GULP1: variants seen among roughly 807,000 people sequenced by gnomAD.
GULP1 encodes the protein GULP PTB domain containing engulfment adaptor 1, also known as PTB domain-containing engulfment adapter protein 1.
Under a neutral mutation model 40.9 loss-of-function variants are expected in GULP1, and 19 were observed. That is an observed-to-expected ratio of 0.46 (90% confidence interval 0.32 to 0.68). The LOEUF (loss-of-function observed/expected upper bound fraction) is 0.68. Among genes scored for constraint, GULP1 ranks in the 30% least tolerant of loss-of-function variants. The probability of loss-of-function intolerance (pLI) is 0.03; values close to 1 mark genes in which losing one functional copy is unlikely to be tolerated. For synonymous variants in GULP1, 119 were observed against 117.6 expected, an observed-to-expected ratio of 1.01 and a Z score of -0.08; for missense variants, 312 against 362.2, an observed-to-expected ratio of 0.86 and a Z score of 1.12.
intron 4 of GULP1, chr2:188,491,732 C>T (rs915818698): frequency 6.6e-6 from 1 of 152,050 alleles, no homozygotes; most frequent in Admixed American, 6.6e-5. Context: ...TCATGACATT[C>T]TTTCATTTTA....
At chr2:188,293,678 G>A (rs2034298293) in intron 1 of GULP1, 1 of 152,262 alleles carries the variant, frequency 6.6e-6, no homozygotes, top group African/African-American at 2.4e-5. Context: ...GGTGACTACA[G>A]GCTTTGCTGG....
chr2:188,424,104 T>C (rs958284789), intron 2 of GULP1, among the ~76,000 whole-genome samples: 5 of 151,866 alleles, frequency 3.3e-5, no homozygotes, highest in Non-Finnish European at 5.9e-5. Context: ...TTCAGTGAAA[T>C]TAGAATGTCA....
At position 188,351,436 on chromosome 2, in the gene GULP1, A is replaced by G. The variant is rs753973503; in HGVS notation, c.-171-32327A>G. Among the ~76,000 whole-genome samples the G allele has an allele frequency of 3.9e-5, 6 of 152,216 alleles. No individual in the cohort carries two copies. In the Middle Eastern group the frequency reaches 0.01, roughly 261 times the overall value. The stretch of plus-strand genomic sequence containing the variant: ...ACCATGCTGCATTTCAGGAGTAACT[A>G]TGAGGGGTAGTAGGCTTTAATACGT... On this transcript the variant is annotated intron_variant, in intron 1 of 11. Coordinates refer to ENST00000409830, the MANE Select transcript of GULP1 (RefSeq NM_016315.4).
chr2:188,488,266 G>C (rs2062033655), intron 4 of GULP1, among the ~76,000 whole-genome samples: 1 of 151,970 alleles, frequency 6.6e-6, no homozygotes, highest in South Asian at 2.1e-4. Context: ...ACAGTAATTA[G>C]AGCAGCCATT....
chr2:188,449,515 A>G (rs2058666218), intron 2 of GULP1, among the ~76,000 whole-genome samples: 1 of 152,216 alleles, frequency 6.6e-6, no homozygotes, highest in South Asian at 2.1e-4. Flanking sequence ...TGGGGATAGC[A>G]TTATGGAACT....
At chr2:188,485,883 G>C (rs12997847) in intron 4 of GULP1, among the ~76,000 whole-genome samples, 14,433 of 151,978 alleles carry the variant, frequency 0.095, 941 homozygotes, top group Middle Eastern at 0.16. Context: ...TCAATTCACT[G>C]GATCTGGCTC....
At chr2:188,368,202 G>A (rs1176335366) in intron 1 of GULP1, among the ~76,000 whole-genome samples, 1 of 152,068 alleles carries the variant, frequency 6.6e-6, no homozygotes, top group East Asian at 1.9e-4. Flanking sequence ...AAAAGGTCTG[G>A]GGATTTTTTG....
intron 1 of GULP1, among the ~76,000 whole-genome samples, chr2:188,350,631 T>C (rs2044324200): frequency 6.6e-6 from 1 of 152,084 alleles, no homozygotes; most frequent in Non-Finnish European, 1.5e-5. Flanking sequence ...GAGATAGTTA[T>C]AGTTCCTCCT....
chr2:188,440,447 G>A (rs2057814566), intron 2 of GULP1, among the ~76,000 whole-genome samples: 3 of 152,154 alleles, frequency 2.0e-5, no homozygotes, highest in Admixed American at 2.0e-4. Flanking sequence ...TCATGCAAAA[G>A]TTTGTTTTGA....
chr2:188,299,696 T>C (rs975392579), intron 1 of GULP1, among the ~76,000 whole-genome samples: 1 of 152,354 alleles, frequency 6.6e-6, no homozygotes, highest in Non-Finnish European at 1.5e-5. Context: ...TTGGTATTTC[T>C]ATATAATTCT....
intron 4 of GULP1, among the ~76,000 whole-genome samples, chr2:188,494,438 T>A (rs2062705306): frequency 6.6e-6 from 1 of 152,030 alleles, no homozygotes; most frequent in African/African-American, 2.4e-5. Context: ...TAGTAATATA[T>A]ATATTCAAAA....
At chr2:188,426,661 C>A (rs1432234624) in intron 2 of GULP1, among the ~76,000 whole-genome samples, 1 of 152,138 alleles carries the variant, frequency 6.6e-6, no homozygotes, top group Non-Finnish European at 1.5e-5. Context: ...TCTGTGATCT[C>A]TGTTTTAATA....
chr2:188,380,752 G>A (rs550527192), intron 1 of GULP1, among the ~76,000 whole-genome samples: 1 of 152,176 alleles, frequency 6.6e-6, no homozygotes, highest in East Asian at 1.9e-4. Context: ...TGATAATGGT[G>A]GTCTGTATTT....
chr2:188,374,178 G>A lies in GULP1; in HGVS notation c.-171-9585G>A, dbSNP rs535352324. ...AACAAATGTCTTTAAAACACCAAAA[G>A]AGTATCTGTATCATTTTATAGAAAA... On this transcript the variant is annotated intron_variant, in intron 1 of 11. Transcript: ENST00000409830. Among the ~76,000 whole-genome samples the A allele has an allele frequency of 5.9e-5, 9 of 152,084 alleles. No homozygotes were observed. The East Asian group carries it at 1.7e-3, about 29-fold the overall frequency.
At chr2:188,568,741 C>T (rs1468858842) in intron 7 of GULP1, among the ~76,000 whole-genome samples, 1 of 152,098 alleles carries the variant, frequency 6.6e-6, no homozygotes, top group East Asian at 1.9e-4. Context: ...AGAGGGCATA[C>T]CTCAAGTTTT....
chr2:188,336,804 T>C (rs1025524980), intron 1 of GULP1, among the ~76,000 whole-genome samples: 1 of 152,092 alleles, frequency 6.6e-6, no homozygotes, highest in Non-Finnish European at 1.5e-5. Flanking sequence ...AAAAGACTAG[T>C]GTAGCTGGTG....
intron 3 of GULP1, among the ~76,000 whole-genome samples, chr2:188,480,634 A>G (rs940460932): frequency 1.3e-5 from 2 of 151,920 alleles, no homozygotes; most frequent in Non-Finnish European, 2.9e-5. Flanking sequence ...AAATTAGTCT[A>G]ATATAATCAT....
intron 2 of GULP1, among the ~76,000 whole-genome samples, chr2:188,447,462 C>T (rs1162015279): frequency 1.3e-5 from 2 of 151,984 alleles, no homozygotes; most frequent in Non-Finnish European, 2.9e-5. Context: ...TTTTTGTTTA[C>T]AGAAGGCATT....
intron 2 of GULP1, among the ~76,000 whole-genome samples, chr2:188,399,488 C>T (rs1271941336): frequency 2.6e-5 from 4 of 151,796 alleles, no homozygotes; most frequent in Non-Finnish European, 5.9e-5. Flanking sequence ...GGAACCAAGA[C>T]GGAGGGCGAA....
Sources: gnomAD v4.1 joint callset for allele counts (sites outside exome capture counted in the v4.1 genomes callset) on GRCh38, gnomAD v4.1.1 for gene constraint, MANE v1.5 for transcripts, NCBI Gene and HGNC (gene_info 2026-07-23, HGNC 2026-07-21) for gene names.